NYAP2: variants seen among roughly 807,000 people sequenced by gnomAD.
NYAP2 encodes the protein neuronal tyrosine-phosphorylated phosphoinositide-3-kinase adapter 2.
Under a neutral mutation model 50.4 loss-of-function variants are expected in NYAP2, and 23 were observed. The ratio of observed to expected loss-of-function variants is 0.46; its 90% CI spans 0.33 to 0.65. NYAP2 has a LOEUF of 0.65. NYAP2 is among the 30% of genes least tolerant of loss of function. NYAP2 has a pLI of 0.02. For synonymous variants in NYAP2, 394 were observed against 365.2 expected, an observed-to-expected ratio of 1.08 and a Z score of -0.90; for missense variants, 885 against 861.0, an observed-to-expected ratio of 1.03 and a Z score of -0.35.
chr2:225,464,263 C>T (rs1660197093), intron 3 of NYAP2, among the ~76,000 whole-genome samples: 1 of 152,142 alleles, frequency 6.6e-6, no homozygotes, highest in South Asian at 2.1e-4. Flanking sequence ...GACTGCATTG[C>T]AGCTGGACCT....
At chr2:225,591,910 G>A (rs1239154493) in intron 5 of NYAP2, among the ~76,000 whole-genome samples, 1 of 152,100 alleles carries the variant, frequency 6.6e-6, no homozygotes, top group Non-Finnish European at 1.5e-5. Flanking sequence ...GAAGGGGGTG[G>A]GAAATCTTTT....
At chr2:225,411,167 T>C (rs559223650) in intron 3 of NYAP2, among the ~76,000 whole-genome samples, 43 of 152,198 alleles carry the variant, frequency 2.8e-4, no homozygotes, top group African/African-American at 8.7e-4. Flanking sequence ...TGAGAGATAA[T>C]GTTGGTTTGC....
the NYAP2 span, among the ~76,000 whole-genome samples, chr2:225,667,952 A>C: frequency 6.6e-6 from 1 of 152,294 alleles, no homozygotes; most frequent in South Asian, 2.1e-4. Flanking sequence ...CTAAACAATC[A>C]AACTCAAAAA....
chr2:225,644,201 G>A (rs536916476), intron 6 of NYAP2, among the ~76,000 whole-genome samples: 1 of 152,316 alleles, frequency 6.6e-6, no homozygotes, highest in East Asian at 1.9e-4. Flanking sequence ...GTGATGCTGA[G>A]CATTTTTTCA....
At chr2:225,465,033 C>T (rs950565248) in intron 3 of NYAP2, among the ~76,000 whole-genome samples, 1 of 152,134 alleles carries the variant, frequency 6.6e-6, no homozygotes, top group African/African-American at 2.4e-5. Flanking sequence ...TTCTATGGTA[C>T]AAACTTAGGA....
intron 3 of NYAP2, among the ~76,000 whole-genome samples, chr2:225,410,083 A>G (rs184767074): frequency 1.1e-3 from 162 of 152,226 alleles, no homozygotes; most frequent in Non-Finnish European, 1.9e-3. Flanking sequence ...AAAATGAATT[A>G]TTCATGCTTA....
chr2:225,480,477 G>C (rs1006120700), intron 3 of NYAP2, among the ~76,000 whole-genome samples: 13 of 152,052 alleles, frequency 8.5e-5, no homozygotes, highest in African/African-American at 3.1e-4. Flanking sequence ...GCACTTGAAG[G>C]AATGTAGATA....
chr2:225,526,352 C>T (rs1051175804), intron 4 of NYAP2, among the ~76,000 whole-genome samples: 4 of 152,166 alleles, frequency 2.6e-5, no homozygotes, highest in African/African-American at 9.6e-5. Flanking sequence ...CTTGATAACC[C>T]TACTTCCCTT....
At chr2:225,592,060 A>G (rs1478506695) in intron 5 of NYAP2, among the ~76,000 whole-genome samples, 1 of 152,170 alleles carries the variant, frequency 6.6e-6, no homozygotes, top group African/African-American at 2.4e-5. Flanking sequence ...AAGCAAAAAG[A>G]TGTGAGTGCT....
Position 225,574,706 on chromosome 2 carries a change from C to T in NYAP2, c.524-7235C>T, listed in dbSNP as rs569375698. 7.2e-5 allele frequency among the ~76,000 whole-genome samples: 11 copies of T among 151,776 alleles called. No homozygotes were observed. In the South Asian group the frequency reaches 2.3e-3, roughly 31 times the overall value. The stretch of plus-strand genomic sequence containing the variant: ...TTTCTTTAGATGAAAGACAGAACTA[C>T]AAATTGCCTTGAGAAAGGCTTCTCT... On this transcript the variant is annotated intron_variant, in intron 4 of 6. Transcript: ENST00000636099.
chr2:225,469,306 A>T (rs1252533817), intron 3 of NYAP2, among the ~76,000 whole-genome samples: 1 of 152,254 alleles, frequency 6.6e-6, no homozygotes. Flanking sequence ...AATCAAAACC[A>T]CAATGAGATA....
intron 3 of NYAP2, among the ~76,000 whole-genome samples, chr2:225,435,142 C>T (rs1192646823): frequency 6.6e-6 from 1 of 152,124 alleles, no homozygotes; most frequent in Non-Finnish European, 1.5e-5. Flanking sequence ...TTTTCGGTGA[C>T]ACTTCTCCTC....
intron 3 of NYAP2, among the ~76,000 whole-genome samples, chr2:225,487,241 A>G (rs1690316755): frequency 6.6e-6 from 1 of 152,228 alleles, no homozygotes; most frequent in Admixed American, 6.5e-5. Context: ...TGGACAGTGC[A>G]CATACATGAG....
At chr2:225,445,765 C>T (rs1184695009) in intron 3 of NYAP2, among the ~76,000 whole-genome samples, 1 of 151,790 alleles carries the variant, frequency 6.6e-6, no homozygotes, top group Non-Finnish European at 1.5e-5. Context: ...TATGAGTGTC[C>T]TATAAAATAT....
intron 3 of NYAP2, among the ~76,000 whole-genome samples, chr2:225,511,916 G>A (rs137890103): frequency 1.6e-3 from 243 of 152,232 alleles, no homozygotes; most frequent in African/African-American, 5.6e-3. Flanking sequence ...GACTCAGCAA[G>A]CTTCCAAACT....
intron 5 of NYAP2, 104 bp downstream of exon 5, chr2:225,583,139 GC>G: frequency 7.5e-7 from 1 of 1,335,256 alleles, no homozygotes; most frequent in African/African-American, 1.5e-5. Context: ...GGGTCTTGAG[GC>G]CTTGGAGTTG....
intron 4 of NYAP2, among the ~76,000 whole-genome samples, chr2:225,575,934 A>C: frequency 6.6e-6 from 1 of 152,182 alleles, no homozygotes; most frequent in East Asian, 1.9e-4. Flanking sequence ...AAAGGTACTT[A>C]TATTTTCTAA....
At position 225,648,455 on chromosome 2, in the gene NYAP2, A is replaced by G. The variant is rs567231276; in HGVS notation, c.1829-2977A>G. Among the ~76,000 whole-genome samples, 7 of 152,332 alleles carry G rather than the reference A, an allele frequency of 4.6e-5. No homozygotes were observed. In the East Asian group the frequency reaches 1.2e-3, roughly 25 times the overall value. Reference sequence around the variant, plus strand: ...TTTTTGAACAAGATGAGTGGCCTAAAGTATCTAGGAAACACAGTCTGCATT... The same window carrying G: ...TTTTTGAACAAGATGAGTGGCCTAAGGTATCTAGGAAACACAGTCTGCATT... On this transcript the variant is annotated intron_variant, in intron 6 of 6. Transcript: ENST00000636099.
At chr2:225,505,512 A>C (rs986947071) in intron 3 of NYAP2, among the ~76,000 whole-genome samples, 2 of 152,194 alleles carry the variant, frequency 1.3e-5, no homozygotes, top group Non-Finnish European at 2.9e-5. Flanking sequence ...ATATGGGGCA[A>C]ATATATAAAG....
Sources: gnomAD v4.1 joint callset for allele counts (sites outside exome capture counted in the v4.1 genomes callset) on GRCh38, gnomAD v4.1.1 for gene constraint, MANE v1.5 for transcripts, NCBI Gene and HGNC (gene_info 2026-07-23, HGNC 2026-07-21) for gene names.